SCN11A: variants seen among roughly 807,000 people sequenced by gnomAD.
The protein encoded by SCN11A is sodium voltage-gated channel alpha subunit 11, also known as sodium channel protein type 11 subunit alpha.
SCN11A carries 122 observed loss-of-function variants against 162.2 expected under a neutral mutation model. The observed-to-expected ratio is 0.75, with a 90% confidence interval of 0.65 to 0.87. SCN11A has a LOEUF of 0.87. Ranked by LOEUF, SCN11A falls within the 40% of genes least tolerant of loss-of-function variation. SCN11A has a pLI of 0.00. For synonymous variants in SCN11A, 758 were observed against 751.5 expected, an observed-to-expected ratio of 1.01 and a Z score of -0.14; for missense variants, 2,015 against 2,181.6, an observed-to-expected ratio of 0.92 and a Z score of 1.52.
chr3:38,892,749 CTA>C lies in SCN11A; in HGVS notation c.2835+1782_2835+1783del, dbSNP rs139022742. 1.4e-4 allele frequency among the ~76,000 whole-genome samples: 22 copies of C among 151,876 alleles called. No homozygotes were observed. The East Asian group carries it at 3.7e-3, about 25-fold the overall frequency. The stretch of plus-strand genomic sequence containing the variant: ...CAAAAACAGGAGAGAGGAAATAGAG[CTA>C]TATATGAGTAATATTTCTATAGCTC... On this transcript the variant is annotated intron_variant, in intron 19 of 29. Coordinates refer to ENST00000302328, the MANE Select transcript of SCN11A (RefSeq NM_001349253.2).
chr3:38,913,599 G>A (rs1330154026), intron 11 of SCN11A, among the ~76,000 whole-genome samples: 1 of 152,118 alleles, frequency 6.6e-6, no homozygotes, highest in Non-Finnish European at 1.5e-5. Flanking sequence ...GTATTGCATA[G>A]GTTGTCTTCC....
chr3:38,992,978 G>A (rs546022794), intron 2 of SCN11A, among the ~76,000 whole-genome samples: 1 of 152,336 alleles, frequency 6.6e-6, no homozygotes, highest in East Asian at 1.9e-4. Context: ...CCTAGGTCAG[G>A]TACAGACATC....
intron 20 of SCN11A, 100 bp downstream of exon 20, chr3:38,886,025 T>C (rs1421480901): frequency 1.3e-6 from 1 of 754,498 alleles, no homozygotes; most frequent in Non-Finnish European, 2.2e-6. Context: ...ATTCTTGCAA[T>C]TTTCTCTGCA....
rs778166225 is a variant in SCN11A, at chr3:38,847,169, T to C, written c.4901A>G (p.Asp1634Gly). ...DIFYEVWEKF[D>G]PEATQFIKYS... ...TTTGATAAATTGTGTTGCTTCTGGG[T>C]CAAACTTTTCCCACACTTCATAAAA... is the stretch of plus-strand genomic sequence containing the variant. The change falls in exon 30 of 30, where the codon GAC (aspartate) becomes GGC (glycine). Residue 1634 changes from aspartate (D) to glycine (G), a missense_variant. Transcript: ENST00000302328. 2 of 1,614,056 alleles carry C rather than the reference T, an allele frequency of 1.2e-6. No individual in the cohort carries two copies. The highest frequency in any genetic ancestry group is 1.7e-6 in the Non-Finnish European group (2 of 1,180,034).
rs752000946 is a variant in SCN11A, at chr3:38,900,042, C to T, written c.1874G>A (p.Cys625Tyr). 3 of 1,613,960 alleles carry T rather than the reference C, an allele frequency of 1.9e-6. No individual in the cohort carries two copies. Among genetic ancestry groups the T allele is most frequent in the Non-Finnish European group, 2.5e-6 (3 of 1,179,942 alleles). Residue 625 changes from cysteine (C) to tyrosine (Y), a missense_variant, in exon 17 of 30, where the codon TGC (cysteine) becomes TAC (tyrosine). Cys to Tyr is a radical substitution (Grantham distance 194). Transcript: ENST00000302328. ...VFTSIFIAEM[C>Y]LKIIALDPYH... ...GGGATCGAGCGCAATGATTTTTAGG[C>T]ACATTTCTGCTATAAAAATGCTAGT...
intron 22 of SCN11A, among the ~76,000 whole-genome samples, chr3:38,882,543 C>T (rs571021054): frequency 6.6e-5 from 10 of 151,870 alleles, no homozygotes; most frequent in African/African-American, 1.2e-4. Flanking sequence ...AAGGAGAGGG[C>T]GAAATATGCA....
rs762560197 is a variant in SCN11A at position 38,847,628 on chromosome 3, C to T, written c.4442G>A (p.Arg1481Gln). 1.9e-5 allele frequency: 30 copies of T among 1,613,970 alleles called. No individual in the cohort carries two copies. The highest frequency in any genetic ancestry group is 2.7e-5 in the African/African-American group (2 of 74,906). The change falls in exon 30 of 30, where the codon CGA becomes CAA. Residue 1481 changes from arginine (R) to glutamine (Q), a missense_variant. Arg to Gln is a conservative substitution (Grantham distance 43). Transcript: ENST00000302328. ...GRILRLVRAA[R>Q]GIRTLLFALM... ...AGCAAAGAGGAGAGTCCTGATTCCT[C>T]GTGCAGCCCGGACAAGCCTCAGGAT...
chr3:38,929,239 A>G (rs6599271), intron 7 of SCN11A, among the ~76,000 whole-genome samples: 90,783 of 151,698 alleles, frequency 0.6, 27,879 homozygotes, highest in South Asian at 0.67. Context: ...TGTGGTATAT[A>G]CATGTGATGG....
intron 1 of SCN11A, among the ~76,000 whole-genome samples, chr3:39,040,772 G>T (rs1489924080): frequency 6.6e-6 from 1 of 152,128 alleles, no homozygotes; most frequent in Non-Finnish European, 1.5e-5. Flanking sequence ...TAACAGACTA[G>T]ATCAAGAAGA....
At chr3:38,951,819 A>G (rs2066623412) in intron 4 of SCN11A, among the ~76,000 whole-genome samples, 1 of 152,170 alleles carries the variant, frequency 6.6e-6, no homozygotes, top group Admixed American at 6.5e-5. Context: ...CTTTGTATCT[A>G]GCTCAGGGAA....
chr3:38,958,035 A>G (rs950665100), intron 3 of SCN11A, among the ~76,000 whole-genome samples: 1 of 152,174 alleles, frequency 6.6e-6, no homozygotes, highest in African/African-American at 2.4e-5. Context: ...ACGTAGTGTG[A>G]AAGCACTGAG....
intron 19 of SCN11A, among the ~76,000 whole-genome samples, chr3:38,889,734 A>G (rs2065463471): frequency 6.6e-6 from 1 of 151,764 alleles, no homozygotes. Flanking sequence ...CGGGAGCCAG[A>G]GCTTGCAGTG....
intron 22 of SCN11A, among the ~76,000 whole-genome samples, chr3:38,881,597 A>G (rs1483656552): frequency 6.6e-6 from 1 of 152,202 alleles, no homozygotes; most frequent in African/African-American, 2.4e-5. Flanking sequence ...AACTCTAATG[A>G]ACCCCAAATC....
At position 38,895,801 on chromosome 3, in the gene SCN11A, C is replaced by T. The variant is rs140806482; in HGVS notation, c.2404-837G>A. 5.9e-5 allele frequency among the ~76,000 whole-genome samples: 9 copies of T among 152,208 alleles called. No homozygotes were observed. In the East Asian group the frequency reaches 1.5e-3, roughly 26 times the overall value. ...TCTTCTCAAGTTCTGTAATCTTCCA[C>T]GAATCCTTTCTCGGTGCTCTCCTCC... is the stretch of plus-strand genomic sequence containing the variant. On this transcript the variant is annotated intron_variant, in intron 18 of 29. Transcript: ENST00000302328.
chr3:39,003,698 T>C (rs2030884097), intron 2 of SCN11A, among the ~76,000 whole-genome samples: 2 of 152,204 alleles, frequency 1.3e-5, no homozygotes, highest in South Asian at 4.1e-4. Flanking sequence ...TCTGTTCTTT[T>C]TTTACTTTTT....
intron 9 of SCN11A, among the ~76,000 whole-genome samples, chr3:38,921,984 T>G (rs762994138): frequency 6.6e-6 from 1 of 152,206 alleles, no homozygotes; most frequent in Non-Finnish European, 1.5e-5. Context: ...TTTTCTGAAT[T>G]CTGTGGTATA....
Position 38,863,231 on chromosome 3 carries a change from T to C in SCN11A, c.4020A>G (p.Gly1340=). Residue 1340 remains glycine, a synonymous_variant, in exon 28 of 30, where the codon GGA becomes GGG. Transcript: ENST00000302328. ...GAATGGGTTTTTGAGGTTTTTTGGA[T>C]CCTAATTTTTTCATTGCATTATAGT... ...KKYYNAMKKL[G]SKKPQKPIPR... 1.2e-6 allele frequency: 2 copies of C among 1,608,126 alleles called. No homozygotes were observed. The highest frequency in any genetic ancestry group is 8.5e-7 in the Non-Finnish European group (1 of 1,174,808).
At chr3:39,039,378 G>C (rs1351171647) in intron 1 of SCN11A, among the ~76,000 whole-genome samples, 1 of 152,092 alleles carries the variant, frequency 6.6e-6, no homozygotes, top group African/African-American at 2.4e-5. Context: ...AACACACAAT[G>C]AACCCTCTCC....
At position 38,897,055 on chromosome 3, in the gene SCN11A, CTT is replaced by C. The variant is rs778905122; in HGVS notation, c.2191_2192del (p.Lys731GlufsTer6). The part of the protein sequence containing the change: ...QLFGRSFNSQ[K>X]SPKLCNPTGP... ...CTGTCGGGTTACAGAGTTTTGGACT[CTT>C]TTGGGAATTGAAGCTACGGCCAAAA... On this transcript the variant is annotated frameshift_variant, in exon 18 of 30. Transcript: ENST00000302328. LOFTEE classifies it high-confidence loss of function. 2 of 1,614,114 alleles carry C rather than the reference CTT, an allele frequency of 1.2e-6. No individual in the cohort carries two copies. Among genetic ancestry groups the C allele is most frequent in the East Asian group, 2.2e-5 (1 of 44,876 alleles).
Sources: gnomAD v4.1 joint callset for allele counts (sites outside exome capture counted in the v4.1 genomes callset) on GRCh38, gnomAD v4.1.1 for gene constraint, MANE v1.5 for transcripts, NCBI Gene and HGNC (gene_info 2026-07-23, HGNC 2026-07-21) for gene names.